SYNRG: variants seen among roughly 807,000 people sequenced by gnomAD.
SYNRG encodes the protein synergin gamma, also known as AP1 gamma subunit binding protein 1.
A neutral mutation model predicts 130.9 loss-of-function variants in SYNRG; 37 were observed. That is an observed-to-expected ratio of 0.28 (90% confidence interval 0.22 to 0.37). The LOEUF (loss-of-function observed/expected upper bound fraction) is 0.37. Among genes scored for constraint, SYNRG ranks in the 10% least tolerant of loss-of-function variants. SYNRG has a pLI of 1.00. For missense variants in SYNRG, 1,338 were observed against 1,588.9 expected (o/e 0.84, Z 2.68); for synonymous variants, 539 against 568.1 (o/e 0.95, Z 0.73).
chr17:37,580,514 A>T (rs7223339), intron 6 of SYNRG, among the ~76,000 whole-genome samples: 1,492 of 83,158 alleles, frequency 0.018, 23 homozygotes, highest in African/African-American at 0.065. Context: ...TGTGTGTGAG[A>T]GAGAGAGAGA....
At position 37,518,854 on chromosome 17, in the gene SYNRG, G is replaced by A. The variant is rs2054628281; in HGVS notation, c.*86C>T. The A allele has an allele frequency of 6.5e-7, 1 of 1,548,062 alleles. No individual in the cohort carries two copies. The highest frequency in any genetic ancestry group is 1.2e-5 in the South Asian group (1 of 81,612). Reference sequence around the variant, plus strand: ...ATATCGATTCAGGGAAGCGAACTGTGCAGTGCTCGCATTCTATTTATTGGT... The same window carrying A: ...ATATCGATTCAGGGAAGCGAACTGTACAGTGCTCGCATTCTATTTATTGGT... On this transcript the variant is annotated 3_prime_UTR_variant, in exon 22 of 22. Transcript: ENST00000612223.
intron 9 of SYNRG, 64 bp from the exon 10 acceptor site, chr17:37,570,949 G>A (rs753394011): frequency 6.6e-7 from 1 of 1,524,014 alleles, no homozygotes; most frequent in Non-Finnish European, 8.8e-7. Context: ...AAATCTGGCA[G>A]AGACCGAAAG....
At chr17:37,574,851 T>C (rs906654401) in intron 8 of SYNRG, among the ~76,000 whole-genome samples, 2 of 151,956 alleles carry the variant, frequency 1.3e-5, no homozygotes, top group Admixed American at 1.3e-4. Context: ...TAAAGGTTTC[T>C]CCATAGTGGC....
chr17:37,541,939 A>G (rs1238819743), intron 15 of SYNRG, 33 bp downstream of exon 15: 1 of 1,576,264 alleles, frequency 6.3e-7, no homozygotes. Flanking sequence ...GAAAAAAACC[A>G]CAATAGTAAA....
At chr17:37,592,884 A>G (rs2062330584) in intron 3 of SYNRG, among the ~76,000 whole-genome samples, 1 of 152,192 alleles carries the variant, frequency 6.6e-6, no homozygotes, top group South Asian at 2.1e-4. Context: ...CTATATTTCT[A>G]CAAGTTTTAC....
chr17:37,545,897 C>T (rs1427568980), intron 14 of SYNRG, among the ~76,000 whole-genome samples: 2 of 152,066 alleles, frequency 1.3e-5, no homozygotes, highest in Non-Finnish European at 2.9e-5. Context: ...ACTGATGGTA[C>T]ATAAGGAATG....
At chr17:37,540,232 G>T in intron 16 of SYNRG, 148 bp downstream of exon 16, 1 of 988,520 alleles carries the variant, frequency 1.0e-6, no homozygotes, top group Non-Finnish European at 1.5e-6. Context: ...TGTTACCCTT[G>T]CCTCACTTTA....
intron 13 of SYNRG, 62 bp downstream of exon 13, chr17:37,561,133 C>T (rs530033325): frequency 1.0e-4 from 149 of 1,439,236 alleles, no homozygotes; most frequent in Non-Finnish European, 1.3e-4. Context: ...AAAGAACCAT[C>T]GAAAACCCCT....
At chr17:37,528,292 G>C (rs1009372612) in intron 19 of SYNRG, among the ~76,000 whole-genome samples, 1 of 152,076 alleles carries the variant, frequency 6.6e-6, no homozygotes, top group African/African-American at 2.4e-5. Context: ...GTCTACTTCT[G>C]TTGTCACATC....
intron 18 of SYNRG, chr17:37,537,049 C>A (rs962087672): frequency 6.6e-6 from 1 of 152,184 alleles, no homozygotes; most frequent in East Asian, 1.9e-4. Flanking sequence ...GAGAATCTTC[C>A]ATAGATACAA....
chr17:37,537,517 C>T (rs2057316016), intron 18 of SYNRG: 1 of 152,264 alleles, frequency 6.6e-6, no homozygotes, highest in Non-Finnish European at 1.5e-5. Flanking sequence ...GTGGTTCCAG[C>T]TACTTGGGAG....
rs2059507001 is a variant in SYNRG, at chr17:37,561,215, G to C, written c.1643C>G (p.Thr548Arg). ...KYSAFRELEQ[T>R]AENKPLGESF... ...CTTACCTAAAGGTTTATTCTCTGCT[G>C]TCTGTTCAAGTTCTCTGAAAGCACT... Residue 548 changes from threonine to arginine, a missense_variant, in exon 13 of 22, where the codon ACA (threonine) becomes AGA (arginine). Thr to Arg is a moderately conservative substitution (Grantham distance 71, BLOSUM62 -1). This residue lies in a region of SYNRG where 1,146 missense variants were observed against 1,342.3 expected (regional missense o/e 0.85). Transcript: ENST00000612223. 2 of 1,613,680 alleles carry C rather than the reference G, an allele frequency of 1.2e-6. No individual in the cohort carries two copies. The highest frequency in any genetic ancestry group is 1.7e-6 in the Non-Finnish European group (2 of 1,179,842).
chr17:37,590,842 C>T, intron 3 of SYNRG, among the ~76,000 whole-genome samples: 1 of 152,022 alleles, frequency 6.6e-6, no homozygotes. Context: ...ATTGCTTGAA[C>T]CCAGGAGGCG....
intron 1 of SYNRG, among the ~76,000 whole-genome samples, chr17:37,603,463 C>T (rs931097762): frequency 7.2e-5 from 11 of 152,038 alleles, no homozygotes; most frequent in Admixed American, 4.6e-4. Flanking sequence ...TATCTATGGG[C>T]GTTATAGCCT....
chr17:37,523,980 A>G (rs1464366121), intron 19 of SYNRG, among the ~76,000 whole-genome samples: 1 of 152,230 alleles, frequency 6.6e-6, no homozygotes, highest in African/African-American at 2.4e-5. Context: ...GAGGGTCGCC[A>G]ATCTGGACTC....
chr17:37,602,646 G>A (rs969116011), intron 1 of SYNRG, among the ~76,000 whole-genome samples: 3 of 152,170 alleles, frequency 2.0e-5, no homozygotes, highest in African/African-American at 7.2e-5. Flanking sequence ...AAGGGGAAGA[G>A]ACCCTAGGGA....
intron 8 of SYNRG, among the ~76,000 whole-genome samples, chr17:37,575,890 T>C (rs928259396): frequency 6.8e-6 from 1 of 147,982 alleles, no homozygotes; most frequent in African/African-American, 2.5e-5. Context: ...CATCTTCCAA[T>C]GTGAAAAAAA....
chr17:37,570,671 G>T lies in SYNRG; in HGVS notation c.1313C>A (p.Ser438Tyr), dbSNP rs746803567. Residue 438 changes from serine (S) to tyrosine (Y), a missense_variant, in exon 10 of 22, where the codon TCT becomes TAT. By Grantham distance (144) the Ser-to-Tyr change is moderately radical. Coordinates refer to ENST00000612223, the MANE Select transcript of SYNRG (RefSeq NM_007247.6). The part of the protein sequence containing the change: ...GPVGGAAAQA[S>Y]SGFIPTYPAN... ...AGGGTAGGTTGGTATGAAACCACTA[G>T]AAGCCTGGGCTGCAGCTCCACCCAC... 1 of 1,614,114 alleles carries T rather than the reference G, an allele frequency of 6.2e-7. No individual in the cohort carries two copies. Among genetic ancestry groups the T allele is most frequent in the Non-Finnish European group, 8.5e-7 (1 of 1,180,010 alleles).
intron 11 of SYNRG, among the ~76,000 whole-genome samples, chr17:37,563,196 T>C (rs538660857): frequency 2.0e-5 from 3 of 152,224 alleles, no homozygotes; most frequent in South Asian, 2.1e-4. Flanking sequence ...GCCAGTTACA[T>C]AGTAGTCATC....
Sources: allele counts gnomAD v4.1 joint callset (sites outside exome capture counted in the v4.1 genomes callset), GRCh38; gene constraint gnomAD v4.1.1; regional missense constraint gnomAD v4.1.1; transcripts MANE v1.5; gene names NCBI Gene and HGNC (gene_info 2026-07-23, HGNC 2026-07-21).